The following MKX variants were observed in gnomAD, a reference collection of about 807,000 sequenced individuals.
MKX encodes homeobox protein Mohawk.
Under a neutral mutation model 36.0 loss-of-function variants are expected in MKX, and 13 were observed. The observed-to-expected ratio is 0.36, with a 90% CI of 0.24 to 0.57. The LOEUF is 0.57. MKX is among the 20% of genes least tolerant of loss of function. MKX has a pLI of 0.79. For synonymous variants in MKX, 176 were observed against 178.3 expected (o/e 0.99, Z 0.10); for missense variants, 458 against 456.4 (o/e 1.00, Z -0.03).
intron 5 of MKX, among the ~76,000 whole-genome samples, chr10:27,730,647 G>C (rs1001707511): frequency 6.6e-6 from 1 of 151,410 alleles, no homozygotes; most frequent in Non-Finnish European, 1.5e-5. Flanking sequence ...TAGTGGAGAC[G>C]GTGTTTCACC....
intron 5 of MKX, among the ~76,000 whole-genome samples, chr10:27,677,653 C>A (rs1256645041): frequency 6.6e-6 from 1 of 152,114 alleles, no homozygotes; most frequent in Non-Finnish European, 1.5e-5. Flanking sequence ...CTTTTCACAA[C>A]CCTTCACGTA....
chr10:27,743,199 G>A, intron 2 of MKX, 29 bp downstream of exon 2: 2 of 1,432,214 alleles, frequency 1.4e-6, no homozygotes, highest in Middle Eastern at 2.0e-4. Flanking sequence ...GGCCGCAGGC[G>A]GGCAGGGCCC....
At chr10:27,711,481 T>TTCTTTCTTTCTCTC (rs1554772187) in intron 5 of MKX, among the ~76,000 whole-genome samples, 18 of 17,706 alleles carry the variant, frequency 1.0e-3, no homozygotes, top group African/African-American at 2.9e-3. Context: ...CTTTCTTTCT[T>TTCTTTCTTTCTCTC]TCTCTCTCTC....
intron 5 of MKX, among the ~76,000 whole-genome samples, chr10:27,720,360 G>A (rs1356360483): frequency 1.3e-5 from 2 of 150,920 alleles, no homozygotes; most frequent in Non-Finnish European, 3.0e-5. Context: ...TCTCAGTTAA[G>A]AATTTTGATG....
intron 5 of MKX, among the ~76,000 whole-genome samples, chr10:27,717,743 G>A (rs2132607876): frequency 6.6e-6 from 1 of 152,306 alleles, no homozygotes; most frequent in Non-Finnish European, 1.5e-5. Flanking sequence ...TTTGCCCAGT[G>A]GCGAGATCAA....
At chr10:27,719,513 AG>A (rs1423937493) in intron 5 of MKX, among the ~76,000 whole-genome samples, 1 of 152,100 alleles carries the variant, frequency 6.6e-6, no homozygotes, top group Admixed American at 6.6e-5. Context: ...GACCTGTCTA[AG>A]GGGGGTTCCT....
chr10:27,718,701 GA>G (rs1383701867), intron 5 of MKX: 1 of 194,016 alleles, frequency 5.2e-6, no homozygotes, highest in Non-Finnish European at 1.1e-5. Context: ...GTACAGTACA[GA>G]TTAGGTGCAC....
At chr10:27,733,317 G>A (rs1834674593) in intron 5 of MKX, among the ~76,000 whole-genome samples, 2 of 152,156 alleles carry the variant, frequency 1.3e-5, no homozygotes, top group African/African-American at 4.8e-5. Context: ...TACATTAACA[G>A]AGCAACTTTA....
chr10:27,703,457 T>C (rs1836696022), intron 5 of MKX, among the ~76,000 whole-genome samples: 1 of 150,932 alleles, frequency 6.6e-6, no homozygotes, highest in African/African-American at 2.4e-5. Flanking sequence ...GCAACTTACA[T>C]AACACCACTA....
rs1436247591 is a variant in MKX, at chr10:27,745,796, C to T, written c.-172G>A. The T allele has an allele frequency of 6.5e-6, 1 of 152,982 alleles. No homozygotes were observed. Among genetic ancestry groups the T allele is most frequent in the Admixed American group, 6.5e-5 (1 of 15,290 alleles). 9.5% of individuals were successfully genotyped at this position (152,982 alleles called of 1,614,324 possible). A position where few individuals can be genotyped will look rare whatever the true frequency, so the allele number is the denominator to read the frequency against. On this transcript the variant is annotated 5_prime_UTR_variant, in exon 1 of 7. Transcript: ENST00000419761. ...ACTCCCATCCCCGCCGCATGTTCTC[C>T]ACGCGGGCTCCAGCGCGCTCACCAC... is the stretch of plus-strand genomic sequence containing the variant.
intron 5 of MKX, among the ~76,000 whole-genome samples, chr10:27,701,370 A>G (rs955276066): frequency 3.1e-4 from 2 of 6,434 alleles, no homozygotes; most frequent in African/African-American, 7.1e-4. Context: ...AGATGATTTT[A>G]TATATATATA....
At chr10:27,694,527 A>AAAAATATATATATAT (rs547670335) in intron 5 of MKX, among the ~76,000 whole-genome samples, 1,895 of 114,042 alleles carry the variant, frequency 0.017, 66 homozygotes, top group African/African-American at 0.059. Context: ...AAAAAAAAAA[A>AAAAATATATATATAT]ATATATATAT....
At chr10:27,677,158 C>T (rs1013871016) in intron 5 of MKX, among the ~76,000 whole-genome samples, 3 of 152,158 alleles carry the variant, frequency 2.0e-5, no homozygotes, top group African/African-American at 7.2e-5. Context: ...TCATCATCCA[C>T]AACAATAATC....
At chr10:27,739,777 C>T (rs906888002) in intron 3 of MKX, among the ~76,000 whole-genome samples, 9 of 152,086 alleles carry the variant, frequency 5.9e-5, no homozygotes, top group African/African-American at 1.9e-4. Flanking sequence ...GCCAAAATAA[C>T]CTAGTGTTTC....
At position 27,741,520 on chromosome 10, in the gene MKX, AG is replaced by A; in HGVS notation, c.189-17del. The A allele has an allele frequency of 6.4e-7, 1 of 1,572,836 alleles. No individual in the cohort carries two copies. The highest frequency in any genetic ancestry group is 8.6e-7 in the Non-Finnish European group (1 of 1,163,728). On this transcript the variant is annotated splice_polypyrimidine_tract_variant and intron_variant, in intron 2 of 6. Coordinates refer to ENST00000419761, the MANE Select transcript of MKX (RefSeq NM_173576.3). The surrounding 1 kb of genome is among the most constrained non-coding windows in gnomAD (Gnocchi z 5.1). The stretch of plus-strand genomic sequence containing the variant: ...CTGCCGGGCGCTGGGACATGGGGAG[AG>A]GAGGCGGCCCTGGTGAGCGACGCGT...
intron 3 of MKX, among the ~76,000 whole-genome samples, chr10:27,736,864 C>A (rs1299979819): frequency 6.6e-6 from 1 of 152,080 alleles, no homozygotes; most frequent in Non-Finnish European, 1.5e-5. Flanking sequence ...TATGCAATGA[C>A]ATATTATCTC....
chr10:27,720,210 A>T (rs1268701630), intron 5 of MKX, among the ~76,000 whole-genome samples: 1 of 152,078 alleles, frequency 6.6e-6, no homozygotes, highest in East Asian at 1.9e-4. Context: ...AGGAAGAGTT[A>T]ATGCTAACTT....
At chr10:27,675,706 T>C in intron 5 of MKX, 152 bp from the exon 6 acceptor site, 1 of 817,326 alleles carries the variant, frequency 1.2e-6, no homozygotes, top group Non-Finnish European at 1.9e-6. Flanking sequence ...CAGTTTATAT[T>C]AAGATGCAAA....
In MKX at chr10:27,683,172, T is replaced by A. The variant is rs536429878; in HGVS notation, c.839-7618A>T. Among the ~76,000 whole-genome samples the A allele has an allele frequency of 2.0e-5, 3 of 152,280 alleles. No homozygotes were observed. The South Asian group carries it at 6.2e-4, about 32-fold the overall frequency. On this transcript the variant is annotated intron_variant, in intron 5 of 6. Coordinates refer to ENST00000419761, the MANE Select transcript of MKX (RefSeq NM_173576.3). Reference sequence around the variant, plus strand: ...AGATGAAGCTGCTTATCTCCTGCTATGCAGCCTGGACCACTACCGGTCCGT... The same window carrying A: ...AGATGAAGCTGCTTATCTCCTGCTAAGCAGCCTGGACCACTACCGGTCCGT...
Sources: allele counts gnomAD v4.1 joint callset (sites outside exome capture counted in the v4.1 genomes callset), GRCh38; gene constraint gnomAD v4.1.1; non-coding constraint Gnocchi (gnomAD v3.1); transcripts MANE v1.5; gene names NCBI Gene and HGNC (gene_info 2026-07-23, HGNC 2026-07-21).